SFXN4: variants seen among roughly 807,000 people sequenced by gnomAD.
SFXN4 encodes the protein sideroflexin-4.
Under a neutral mutation model 54.6 loss-of-function variants are expected in SFXN4, and 48 were observed. That is an observed-to-expected ratio of 0.88 (90% confidence interval 0.70 to 1.12). The LOEUF is 1.12. Ranked by LOEUF, SFXN4 falls within the 50% of genes most tolerant of loss-of-function variation. SFXN4 has a pLI of 0.00. For synonymous variants in SFXN4, 130 were observed against 145.5 expected (o/e 0.89, Z 0.77); for missense variants, 383 against 409.2 (o/e 0.94, Z 0.55).
intron 3 of SFXN4, 68 bp downstream of exon 3, chr10:119,162,272 C>T: frequency 7.8e-7 from 1 of 1,286,248 alleles, no homozygotes; most frequent in Non-Finnish European, 1.1e-6. Context: ...CAAATTCCAC[C>T]TGACTTCAGA....
Position 119,157,531 on chromosome 10 carries a change from C to T in SFXN4, c.537+137G>A, listed in dbSNP as rs184349824. ...TTAACATGATTATTTTGGGATAATA[C>T]AATTACAGGTGACTTTTATTTCCTA... On this transcript the variant is annotated intron_variant, in intron 9 of 13. Coordinates refer to ENST00000355697, the MANE Select transcript of SFXN4 (RefSeq NM_213649.2). 1.5e-4 allele frequency: 100 copies of T among 655,682 alleles called. No individual in the cohort carries two copies. In the African/African-American group the frequency reaches 1.7e-3, roughly 11 times the overall value. 40.6% of individuals were successfully genotyped at this position (655,682 alleles called of 1,614,324 possible).
At chr10:119,154,793 T>C (rs1225980850) in intron 11 of SFXN4, among the ~76,000 whole-genome samples, 2 of 152,106 alleles carry the variant, frequency 1.3e-5, no homozygotes, top group African/African-American at 2.4e-5. Flanking sequence ...GACTGCACCA[T>C]TGCACTCCAG....
At chr10:119,154,977 A>G (rs997593606) in intron 11 of SFXN4, 85 bp downstream of exon 11, 1 of 884,664 alleles carries the variant, frequency 1.1e-6, no homozygotes, top group African/African-American at 1.6e-5. Context: ...TTGAAGGCAG[A>G]CATGAATTTG....
Position 119,165,700 on chromosome 10 carries a change from CG to C in SFXN4, c.-54del. ...GCCAGGCCGCGCGTGGAGGAGGAGC[CG>C]GGCGGCGAGCCCCGCCCCGGGCCGC... is the stretch of plus-strand genomic sequence containing the variant. On this transcript the variant is annotated 5_prime_UTR_variant, in exon 1 of 14. Coordinates refer to ENST00000355697, the MANE Select transcript of SFXN4 (RefSeq NM_213649.2). 7.2e-7 allele frequency: 1 copy of C among 1,385,596 alleles called. No homozygotes were observed. Among genetic ancestry groups the C allele is most frequent in the Non-Finnish European group, 9.5e-7 (1 of 1,057,572 alleles). 85.8% of individuals were successfully genotyped at this position (1,385,596 alleles called of 1,614,324 possible).
At chr10:119,142,514 T>C (rs1373199365) in intron 13 of SFXN4, among the ~76,000 whole-genome samples, 2 of 150,852 alleles carry the variant, frequency 1.3e-5, no homozygotes, top group Admixed American at 6.6e-5. Flanking sequence ...AGCACCTCCA[T>C]GCCCTCCTTG....
intron 13 of SFXN4, among the ~76,000 whole-genome samples, chr10:119,142,849 A>G (rs999048694): frequency 6.1e-5 from 9 of 147,236 alleles, no homozygotes; most frequent in African/African-American, 2.0e-4. Flanking sequence ...CTCCTGCCTC[A>G]GCCTCTCGAG....
intron 11 of SFXN4, among the ~76,000 whole-genome samples, chr10:119,154,776 G>A (rs894198397): frequency 2.0e-5 from 3 of 152,188 alleles, no homozygotes; most frequent in African/African-American, 7.2e-5. Context: ...AGGTTGCAGT[G>A]AGCCAAGACT....
chr10:119,146,960 T>A (rs1211387195), intron 12 of SFXN4, among the ~76,000 whole-genome samples: 1 of 152,152 alleles, frequency 6.6e-6, no homozygotes, highest in Admixed American at 6.6e-5. Flanking sequence ...ACCCCAGGCA[T>A]GCGACCTAAC....
chr10:119,147,887 T>C (rs1292239544), intron 11 of SFXN4, 27 bp from the exon 12 acceptor site: 3 of 1,600,154 alleles, frequency 1.9e-6, no homozygotes, highest in East Asian at 4.5e-5. Flanking sequence ...GAAAACAGCT[T>C]AGGTTGGGCA....
Position 119,141,295 on chromosome 10 carries a change from T to C in SFXN4, c.961A>G (p.Lys321Glu), listed in dbSNP as rs1258693462. 6.2e-7 allele frequency: 1 copy of C among 1,608,406 alleles called. No individual in the cohort carries two copies. Among genetic ancestry groups the C allele is most frequent in the African/African-American group, 1.3e-5 (1 of 74,766 alleles). Residue 321 changes from lysine (K) to glutamate (E), a missense_variant, in exon 14 of 14, where the codon AAA becomes GAA. Transcript: ENST00000355697. ...GQIQYCSLEE[K>E]IQSPTEETEI... ...GTTTCTTCTGTTGGAGACTGAATTT[T>C]CTCTTCAAGACTACAGTACTGTATC...
chr10:119,158,615 CAA>C (rs35982987), intron 6 of SFXN4, among the ~76,000 whole-genome samples: 1,802 of 65,472 alleles, frequency 0.028, 14 homozygotes, highest in African/African-American at 0.11. Context: ...GACTCCGTCT[CAA>C]AAAAAAAAAA....
chr10:119,164,416 G>A (rs1847684563), intron 1 of SFXN4, among the ~76,000 whole-genome samples: 1 of 152,168 alleles, frequency 6.6e-6, no homozygotes, highest in Non-Finnish European at 1.5e-5. Flanking sequence ...AGGCAACACA[G>A]CCAGGAAATG....
chr10:119,160,891 T>C (rs1425785844), intron 5 of SFXN4, 24 bp downstream of exon 5: 2 of 1,613,194 alleles, frequency 1.2e-6, no homozygotes, highest in Admixed American at 3.3e-5. Flanking sequence ...CCCAACCCAC[T>C]TCTGAAAATT....
chr10:119,165,482 A>G, intron 1 of SFXN4, 55 bp downstream of exon 1: 1 of 1,491,816 alleles, frequency 6.7e-7, no homozygotes, highest in African/African-American at 1.5e-5. Context: ...GCCCGACTCC[A>G]CGCGGCCCGG....
At chr10:119,155,838 G>A (rs1023248739) in intron 10 of SFXN4, among the ~76,000 whole-genome samples, 1 of 152,120 alleles carries the variant, frequency 6.6e-6, no homozygotes, top group African/African-American at 2.4e-5. Flanking sequence ...TTTCACCACT[G>A]ACATCAGTCT....
chr10:119,162,470 C>CGGCGA, intron 2 of SFXN4, 56 bp from the exon 3 acceptor site: 2 of 1,466,584 alleles, frequency 1.4e-6, no homozygotes, highest in Admixed American at 1.7e-5. Flanking sequence ...CAGGTTTATC[C>CGGCGA]CCAGAGGTAG....
intron 12 of SFXN4, among the ~76,000 whole-genome samples, chr10:119,147,430 G>C (rs1846863716): frequency 6.6e-6 from 1 of 152,180 alleles, no homozygotes; most frequent in South Asian, 2.1e-4. Context: ...GTTTAGAGAG[G>C]AGGGCTTGAG....
At chr10:119,158,835 T>C (rs952276843) in intron 6 of SFXN4, among the ~76,000 whole-genome samples, 1 of 152,032 alleles carries the variant, frequency 6.6e-6, no homozygotes, top group Non-Finnish European at 1.5e-5. Context: ...ATAAAAAAAT[T>C]AGCCTGCCAT....
At chr10:119,162,484 T>TCTA in intron 2 of SFXN4, 70 bp from the exon 3 acceptor site, 7 of 1,277,666 alleles carry the variant, frequency 5.5e-6, no homozygotes, top group South Asian at 2.4e-5. Flanking sequence ...GAGGTAGGAA[T>TCTA]CACCAGCTCA....
Sources: allele counts gnomAD v4.1 joint callset (sites outside exome capture counted in the v4.1 genomes callset), GRCh38; gene constraint gnomAD v4.1.1; transcripts MANE v1.5; gene names NCBI Gene and HGNC (gene_info 2026-07-23, HGNC 2026-07-21).